Variants in DGKG observed in about 807,000 individuals in gnomAD.
DGKG encodes the protein DAG kinase gamma.
Under a neutral mutation model 105.3 loss-of-function variants are expected in DGKG, and 78 were observed. The observed-to-expected ratio is 0.74, with a 90% confidence interval of 0.62 to 0.89. The LOEUF (loss-of-function observed/expected upper bound fraction) is 0.89. Ranked by LOEUF, DGKG falls within the 40% of genes least tolerant of loss-of-function variation. The pLI is 0.00. For synonymous variants in DGKG, 346 were observed against 367.1 expected (o/e 0.94, Z 0.66); for missense variants, 958 against 1,020.1 (o/e 0.94, Z 0.83).
intron 15 of DGKG, 35 bp downstream of exon 15, chr3:186,261,664 C>G (rs1721782145): frequency 6.8e-7 from 1 of 1,477,742 alleles, no homozygotes; most frequent in Non-Finnish European, 9.4e-7. Context: ...TCGTGTCGCC[C>G]TAGTTGCTCC....
intron 20 of DGKG, among the ~76,000 whole-genome samples, chr3:186,221,309 G>T (rs1222126581): frequency 6.6e-6 from 1 of 152,126 alleles, no homozygotes; most frequent in Non-Finnish European, 1.5e-5. Context: ...ATCTGTCCTT[G>T]CCAAGAGAAA....
At chr3:186,327,467 G>T (rs1725401039) in intron 1 of DGKG, among the ~76,000 whole-genome samples, 1 of 150,206 alleles carries the variant, frequency 6.7e-6, no homozygotes. Context: ...GCCCACAGCA[G>T]CCTTGAACTC....
intron 2 of DGKG, among the ~76,000 whole-genome samples, chr3:186,317,876 C>G (rs1050062493): frequency 1.3e-5 from 2 of 152,180 alleles, no homozygotes; most frequent in African/African-American, 4.8e-5. Flanking sequence ...CATAGGAAGG[C>G]GTAGTGGATG....
At chr3:186,170,313 C>T (rs1716758206) in intron 22 of DGKG, among the ~76,000 whole-genome samples, 1 of 152,156 alleles carries the variant, frequency 6.6e-6, no homozygotes, top group Admixed American at 6.5e-5. Flanking sequence ...GGATCATTCC[C>T]ATTGGTCAGT....
At position 186,279,910 on chromosome 3, in the gene DGKG, A is replaced by G. The variant is rs931557706; in HGVS notation, c.733T>C (p.Trp245Arg). The G allele has an allele frequency of 1.9e-6, 3 of 1,614,020 alleles. No homozygotes were observed. The highest frequency in any genetic ancestry group is 2.7e-5 in the African/African-American group (2 of 74,926). Residue 245 changes from tryptophan (W) to arginine (R), a missense_variant, in exon 9 of 25, where the codon TGG becomes CGG. This residue lies in a region of DGKG where 643 missense variants were observed against 619.5 expected (regional missense o/e 1.04). Transcript: ENST00000265022. ...DRDGFVSLQE[W>R]VHGGMTTIPL... ...ATGGTGGTCATCCCTCCATGGACCC[A>G]TTCCTGTAGAGACACAAAGCCGTCC...
At chr3:186,288,630 G>A in intron 6 of DGKG, 80 bp downstream of exon 6, 1 of 1,449,994 alleles carries the variant, frequency 6.9e-7, no homozygotes, top group Admixed American at 1.9e-5. Flanking sequence ...TCAATCTCCA[G>A]TGTGTTTAGG....
Position 186,174,445 on chromosome 3 carries a change from GA to G in DGKG, c.2096-9428del, listed in dbSNP as rs1335723851. Among the ~76,000 whole-genome samples, 4 of 151,886 alleles carry G rather than the reference GA, an allele frequency of 2.6e-5. No homozygotes were observed. In the East Asian group the frequency reaches 7.7e-4, roughly 29 times the overall value. Reference sequence around the variant, plus strand: ...AAAGGGAGGGAGGGGAAGGATAAGTGAAAAAAAGGAGAAGGTTGGGGGAGGA... The same window carrying G: ...AAAGGGAGGGAGGGGAAGGATAAGTGAAAAAAGGAGAAGGTTGGGGGAGGA... On this transcript the variant is annotated intron_variant, in intron 22 of 24. Coordinates refer to ENST00000265022, the MANE Select transcript of DGKG (RefSeq NM_001346.3).
intron 1 of DGKG, among the ~76,000 whole-genome samples, chr3:186,340,318 G>A (rs1337300180): frequency 1.3e-5 from 2 of 152,146 alleles, no homozygotes; most frequent in African/African-American, 4.8e-5. Flanking sequence ...GCAGGGGTTA[G>A]GAGTGGCTGG....
In DGKG at chr3:186,147,989, G is replaced by C. The variant is rs1241414256; in HGVS notation, c.*2101C>G. 3.0e-6 allele frequency: 3 copies of C among 985,404 alleles called. No individual in the cohort carries two copies. Among genetic ancestry groups the C allele is most frequent in the South Asian group, 9.4e-5 (2 of 21,286 alleles). 61.0% of individuals were successfully genotyped at this position (985,404 alleles called of 1,614,324 possible). ...AGAATGGTCCAAGATCTTGCTCCTA[G>C]GTGGTCCTTCACAGTTAAGTGCCAT... On this transcript the variant is annotated 3_prime_UTR_variant, in exon 25 of 25. Coordinates refer to ENST00000265022, the MANE Select transcript of DGKG (RefSeq NM_001346.3).
chr3:186,211,974 G>A (rs1410020194), intron 20 of DGKG, 89 bp from the exon 21 acceptor site: 3 of 1,016,070 alleles, frequency 3.0e-6, no homozygotes, highest in Admixed American at 3.7e-5. Context: ...GGAGGCCCAA[G>A]CCTTCAGCAA....
rs1295074011 is a variant in DGKG at position 186,284,696 on chromosome 3, G to A, written c.558C>T (p.Leu186=). ...GGAGACCGTTCTCATCTGAATCATA[G>A]AGGCGAAACATGACTGTAAGAAACA... The part of the protein sequence containing the change: ...PQDKLEFMFR[L]YDSDENGLLD... Residue 186 remains leucine (L), a synonymous_variant, in exon 7 of 25, where the codon CTC becomes CTT. Coordinates refer to ENST00000265022, the MANE Select transcript of DGKG (RefSeq NM_001346.3). The surrounding 1 kb of genome is among the most constrained non-coding windows in gnomAD (Gnocchi z 4.0). The A allele has an allele frequency of 6.2e-7, 1 of 1,613,922 alleles. No individual in the cohort carries two copies. Among genetic ancestry groups the A allele is most frequent in the South Asian group, 1.1e-5 (1 of 91,072 alleles).
chr3:186,275,369 C>G (rs1193632279), intron 10 of DGKG, among the ~76,000 whole-genome samples, 178 bp downstream of exon 10: 1 of 152,176 alleles, frequency 6.6e-6, no homozygotes, highest in Non-Finnish European at 1.5e-5. Context: ...GTCCATTGGA[C>G]TTGGGTAGGG....
chr3:186,289,935 T>G lies in DGKG; in HGVS notation c.374-1055A>C, dbSNP rs148631509. Among the ~76,000 whole-genome samples, 553 of 152,302 alleles carry G rather than the reference T, an allele frequency of 3.6e-3. 5 individuals are homozygous for G. The highest frequency in any genetic ancestry group is 0.012 in the African/African-American group (509 of 41,556). On this transcript the variant is annotated intron_variant, in intron 5 of 24. Transcript: ENST00000265022. ...TTTAGGCAAGCAGGGCTGTGCTAGA[T>G]GAAAGCCTTCCAGGTTCCAGGGATT...
At chr3:186,259,696 C>T (rs758411638) in intron 16 of DGKG, among the ~76,000 whole-genome samples, 4 of 151,822 alleles carry the variant, frequency 2.6e-5, no homozygotes, top group Admixed American at 6.6e-5. Flanking sequence ...GCCCCGGGCC[C>T]GGGGCCGGCC....
At position 186,148,588 on chromosome 3, in the gene DGKG, G is replaced by A. The variant is rs1050743691; in HGVS notation, c.*1502C>T. ...AATGACCCTACTCTGAGATGTGTGG[G>A]TTCTTTTCTCCATTAAATATCTTTG... On this transcript the variant is annotated 3_prime_UTR_variant, in exon 25 of 25. Coordinates refer to ENST00000265022, the MANE Select transcript of DGKG (RefSeq NM_001346.3). The A allele has an allele frequency of 2.0e-4, 196 of 985,226 alleles. No homozygotes were observed. Among genetic ancestry groups the A allele is most frequent in the Non-Finnish European group, 2.3e-4 (188 of 829,938 alleles). 61.0% of individuals were successfully genotyped at this position (985,226 alleles called of 1,614,324 possible). A position where few individuals can be genotyped will look rare whatever the true frequency, so the allele number is the denominator to read the frequency against.
At chr3:186,168,706 C>T (rs1716674655) in intron 22 of DGKG, among the ~76,000 whole-genome samples, 1 of 152,110 alleles carries the variant, frequency 6.6e-6, no homozygotes, top group Non-Finnish European at 1.5e-5. Flanking sequence ...AAACATTAGC[C>T]AGGTGTGGTG....
intron 2 of DGKG, among the ~76,000 whole-genome samples, chr3:186,310,952 G>A (rs1415328226): frequency 1.5e-5 from 1 of 65,768 alleles, no homozygotes; most frequent in Non-Finnish European, 3.1e-5. Context: ...CTTTCAAGGA[G>A]ACAGCTCGTA....
At chr3:186,217,179 A>AT (rs1232510187) in intron 20 of DGKG, among the ~76,000 whole-genome samples, 1 of 152,140 alleles carries the variant, frequency 6.6e-6, no homozygotes, top group Non-Finnish European at 1.5e-5. Flanking sequence ...GGTGGCCCAT[A>AT]TTTTTTGAAG....
At chr3:186,251,688 GA>G in intron 19 of DGKG, 70 bp downstream of exon 19, 2 of 1,573,640 alleles carry the variant, frequency 1.3e-6, no homozygotes, top group Non-Finnish European at 1.7e-6. Context: ...ACCCAGAGGG[GA>G]CAACAGAAGG....
Sources: allele counts gnomAD v4.1 joint callset (sites outside exome capture counted in the v4.1 genomes callset), GRCh38; gene constraint gnomAD v4.1.1; regional missense constraint gnomAD v4.1.1; non-coding constraint Gnocchi (gnomAD v3.1); transcripts MANE v1.5; gene names NCBI Gene and HGNC (gene_info 2026-07-23, HGNC 2026-07-21).